DMD: variants seen among roughly 807,000 people sequenced by gnomAD.
DMD encodes dystrophin.
Under a neutral mutation model 330.1 loss-of-function variants are expected in DMD, and 63 were observed. The observed-to-expected ratio is 0.19, with a 90% confidence interval of 0.16 to 0.24. The LOEUF (loss-of-function observed/expected upper bound fraction) is 0.24, where lower values mean the gene tolerates loss of function less well. DMD is among the 10% of genes least tolerant of loss of function. The probability of loss-of-function intolerance (pLI) is 1.00; values close to 1 mark genes in which losing one functional copy is unlikely to be tolerated. For synonymous variants in DMD, 1,223 were observed against 959.8 expected, an observed-to-expected ratio of 1.27 and a Z score of -5.07; for missense variants, 3,344 against 2,684.1, an observed-to-expected ratio of 1.25 and a Z score of -5.43.
At chrX:32,676,571 G>C (rs2061984905) in intron 9 of DMD, among the ~76,000 whole-genome samples, 1 of 111,113 alleles carries the variant, frequency 9.0e-6, no homozygotes, top group African/African-American at 3.3e-5. Flanking sequence ...AAAATGTTTG[G>C]AGATTGTGTT....
intron 62 of DMD, among the ~76,000 whole-genome samples, chrX:31,308,375 G>A (rs746479151): frequency 6.1e-4 from 68 of 111,576 alleles, no homozygotes; most frequent in South Asian, 3.8e-4. Context: ...ATAGTTTATA[G>A]CATAATCTAG....
At chrX:33,055,643 T>C (rs2094508271) in intron 1 of DMD, among the ~76,000 whole-genome samples, 1 of 111,907 alleles carries the variant, frequency 8.9e-6, no homozygotes, top group Non-Finnish European at 1.9e-5. Context: ...GCTGTAGCAG[T>C]TATAATTGTA....
chrX:32,891,878 C>G (rs1451251826), intron 2 of DMD, among the ~76,000 whole-genome samples: 1 of 111,472 alleles, frequency 9.0e-6, no homozygotes, highest in Non-Finnish European at 1.9e-5. Flanking sequence ...CTTCCCCAGC[C>G]TAATCATTTT....
rs1265455616 is a variant in DMD at position 32,509,666 on chromosome X, G to T, written c.2293-7824C>A. On this transcript the variant is annotated intron_variant, in intron 18 of 78. Coordinates refer to ENST00000357033, the MANE Select transcript of DMD (RefSeq NM_004006.3). ...CAGTTCTCACTTTACCTATCACCAT[G>T]ATTTGATTGAGAGGATTCCTTTTTC... Among the ~76,000 whole-genome samples, 3 of 111,792 alleles carry T rather than the reference G, an allele frequency of 2.7e-5. No homozygotes were observed. In the East Asian group the frequency reaches 8.5e-4, roughly 32 times the overall value.
intron 42 of DMD, among the ~76,000 whole-genome samples, chrX:32,306,989 T>C (rs894796218): frequency 1.8e-5 from 2 of 111,847 alleles, no homozygotes; most frequent in African/African-American, 6.5e-5. Context: ...AGCTAAGGAT[T>C]CCCTGAATGA....
chrX:32,815,520 T>TATATACACACACACACACAC, intron 6 of DMD, among the ~76,000 whole-genome samples: 1 of 78,953 alleles, frequency 1.3e-5, no homozygotes, highest in African/African-American at 5.3e-5. Context: ...TATATATATA[T>TATATACACACACACACACAC]ACACACACAC....
chrX:31,165,807 A>G (rs1351676658), intron 74 of DMD, among the ~76,000 whole-genome samples: 1 of 111,881 alleles, frequency 8.9e-6, no homozygotes, highest in Non-Finnish European at 1.9e-5. Context: ...TATCTCACTA[A>G]CACCATTAGT....
intron 50 of DMD, among the ~76,000 whole-genome samples, chrX:31,789,405 C>T (rs2149305992): frequency 9.0e-6 from 1 of 111,666 alleles, no homozygotes; most frequent in Non-Finnish European, 1.9e-5. Context: ...CAACCTATAT[C>T]TTCTTTATAA....
intron 7 of DMD, among the ~76,000 whole-genome samples, chrX:32,722,879 AAAT>A (rs1374511715): frequency 9.1e-6 from 1 of 110,299 alleles, no homozygotes; most frequent in Non-Finnish European, 1.9e-5. Context: ...TTGCAAACAG[AAAT>A]AATATTACTT....
chrX:33,062,340 C>A (rs181344519), intron 1 of DMD, among the ~76,000 whole-genome samples: 4 of 111,485 alleles, frequency 3.6e-5, no homozygotes, highest in Admixed American at 2.8e-4. Context: ...TTGATCCAAC[C>A]TCTATTTTTG....
chrX:32,776,919 CA>C (rs1219253785), intron 7 of DMD, among the ~76,000 whole-genome samples: 2 of 111,096 alleles, frequency 1.8e-5, no homozygotes, highest in East Asian at 2.9e-4. Flanking sequence ...TTTATGGTTA[CA>C]AAAAGTAAAA....
intron 42 of DMD, 49 bp downstream of exon 42, chrX:32,310,033 A>G (rs925761630): frequency 3.7e-6 from 4 of 1,081,813 alleles, no homozygotes; most frequent in Non-Finnish European, 5.1e-6. Flanking sequence ...ACTATGAATG[A>G]TCAGTATGAT....
At chrX:33,274,126 T>C (rs2053200214) in intron 1 of DMD, among the ~76,000 whole-genome samples, 1 of 112,069 alleles carries the variant, frequency 8.9e-6, no homozygotes, top group Non-Finnish European at 1.9e-5. Context: ...TCTAATGTCA[T>C]CTCCCTATTA....
intron 16 of DMD, among the ~76,000 whole-genome samples, chrX:32,558,600 A>T (rs2149047606): frequency 9.0e-6 from 1 of 111,515 alleles, no homozygotes; most frequent in Non-Finnish European, 1.9e-5. Flanking sequence ...CAGTGGCAAA[A>T]GTAGGAATCT....
chrX:31,315,597 TTCTA>T (rs747017436), intron 62 of DMD, among the ~76,000 whole-genome samples: 1 of 112,398 alleles, frequency 8.9e-6, no homozygotes, highest in African/African-American at 3.2e-5. Flanking sequence ...CTTGAATATG[TTCTA>T]TGCTCATTCT....
chrX:32,554,306 A>G (rs1038031442), intron 16 of DMD, among the ~76,000 whole-genome samples: 15 of 111,665 alleles, frequency 1.3e-4, no homozygotes, highest in African/African-American at 4.6e-4. Flanking sequence ...ACCCTCCAAA[A>G]AACTAAATGA....
At chrX:32,790,281 T>A (rs1484022326) in intron 7 of DMD, among the ~76,000 whole-genome samples, 2 of 112,042 alleles carry the variant, frequency 1.8e-5, no homozygotes, top group African/African-American at 3.2e-5. Flanking sequence ...CAGCTGAGAT[T>A]GGCTAGGAGT....
intron 54 of DMD, among the ~76,000 whole-genome samples, chrX:31,643,710 G>T (rs1169012237): frequency 9.0e-6 from 1 of 111,688 alleles, no homozygotes; most frequent in Non-Finnish European, 1.9e-5. Context: ...AGCAAATACA[G>T]AATTCTCTAG....
At chrX:31,824,195 T>G (rs899282933) in intron 49 of DMD, among the ~76,000 whole-genome samples, 1 of 112,020 alleles carries the variant, frequency 8.9e-6, no homozygotes, top group Non-Finnish European at 1.9e-5. Context: ...TTGTGGGGAA[T>G]TGAGGCCAAC....
Sources: allele counts gnomAD v4.1 joint callset (sites outside exome capture counted in the v4.1 genomes callset), GRCh38; gene constraint gnomAD v4.1.1; transcripts MANE v1.5; gene names NCBI Gene and HGNC (gene_info 2026-07-23, HGNC 2026-07-21).